The following CCDC81 variants were observed in gnomAD, a reference collection of about 807,000 sequenced individuals.
CCDC81 encodes the protein coiled-coil domain-containing protein 81.
In CCDC81, 79 loss-of-function variants were observed where a neutral mutation model predicts 83.7. That is an observed-to-expected ratio of 0.94 (90% confidence interval 0.79 to 1.14). The LOEUF (loss-of-function observed/expected upper bound fraction) is 1.14. Among genes scored for constraint, CCDC81 ranks in the 50% most tolerant of loss-of-function variants. The pLI is 0.00. For synonymous variants in CCDC81, 252 were observed against 278.1 expected (o/e 0.91, Z 0.93); for missense variants, 791 against 778.1 (o/e 1.02, Z -0.20).
At position 86,397,683 on chromosome 11, in the gene CCDC81, A is replaced by C. The variant is rs1319471337; in HGVS notation, c.698A>C (p.Glu233Ala). 6.2e-7 allele frequency: 1 copy of C among 1,613,848 alleles called. No individual in the cohort carries two copies. The highest frequency in any genetic ancestry group is 8.5e-7 in the Non-Finnish European group (1 of 1,179,928). ...GAGACCCTTGTAGAAGAATGTGGAG[A>C]GAATAGAGAAAGGAAGTGCAAGTTA... ...PMETLVEECG[E>A]NRERKCKLKD... The change falls in exon 6 of 15, where the codon GAG (glutamate) becomes GCG (alanine). Residue 233 changes from glutamate (E) to alanine (A), a missense_variant. Transcript: ENST00000445632.
intron 13 of CCDC81, among the ~76,000 whole-genome samples, chr11:86,415,849 C>T (rs1269460076): frequency 6.6e-6 from 1 of 152,018 alleles, no homozygotes; most frequent in Non-Finnish European, 1.5e-5. Context: ...AATTTTTAAA[C>T]TTTTTGGGGA....
chr11:86,385,642 T>C (rs1396255937), intron 1 of CCDC81, among the ~76,000 whole-genome samples: 5 of 152,184 alleles, frequency 3.3e-5, no homozygotes, highest in Non-Finnish European at 7.3e-5. Flanking sequence ...TCCTGTGTTG[T>C]GGAATGGTGT....
intron 13 of CCDC81, among the ~76,000 whole-genome samples, chr11:86,418,595 T>C (rs1397215119): frequency 6.6e-6 from 1 of 152,230 alleles, no homozygotes; most frequent in Non-Finnish European, 1.5e-5. Flanking sequence ...AAGGTCATTA[T>C]GTTAAGTGAA....
chr11:86,377,968 C>CTTTTTTTTTTTTTTTTGTTT (rs1948120799), intron 1 of CCDC81, among the ~76,000 whole-genome samples: 1 of 73,350 alleles, frequency 1.4e-5, no homozygotes, highest in Non-Finnish European at 2.4e-5. Flanking sequence ...TGCCTAGGTT[C>CTTTTTTTTTTTTTTTTGTTT]TTTTTTTTTT....
intron 3 of CCDC81, among the ~76,000 whole-genome samples, chr11:86,389,176 T>C (rs1387449196): frequency 2.6e-5 from 4 of 151,940 alleles, no homozygotes; most frequent in Non-Finnish European, 4.4e-5. Flanking sequence ...ACACCACCAG[T>C]CCCAACTACT....
chr11:86,394,659 T>C (rs1948378865), intron 4 of CCDC81, among the ~76,000 whole-genome samples: 1 of 152,228 alleles, frequency 6.6e-6, no homozygotes, highest in Admixed American at 6.5e-5. Flanking sequence ...TTTCTATACT[T>C]CTTTTTGGGA....
chr11:86,390,711 A>C (rs147170466), intron 3 of CCDC81, among the ~76,000 whole-genome samples: 1 of 152,238 alleles, frequency 6.6e-6, no homozygotes, highest in African/African-American at 2.4e-5. Context: ...AAGAGGAAGG[A>C]AGGCGTTTAG....
Position 86,387,508 on chromosome 11 carries a change from C to A in CCDC81, c.142-8C>A, listed in dbSNP as rs766452352. On this transcript the variant is annotated splice_region_variant and splice_polypyrimidine_tract_variant and intron_variant, in intron 2 of 14. Transcript: ENST00000445632. ...TGAATTCTGTTTTGTTTTGTTTTTT[C>A]CTTTCAGGGGGTTCAGATTCCAGCA... 1 of 1,609,990 alleles carries A rather than the reference C, an allele frequency of 6.2e-7. No homozygotes were observed. Among genetic ancestry groups the A allele is most frequent in the Admixed American group, 1.7e-5 (1 of 59,268 alleles).
At chr11:86,382,971 A>C (rs1948194373) in intron 1 of CCDC81, among the ~76,000 whole-genome samples, 1 of 152,240 alleles carries the variant, frequency 6.6e-6, no homozygotes, top group East Asian at 1.9e-4. Context: ...GTGAAAGTCA[A>C]ACTACTATTT....
rs1948078535 is a variant in CCDC81, at chr11:86,374,917, C to G, written c.-247C>G. ...GTGCCGGACATCAGTTCCTGCGGCT[C>G]TTGCTGTGGGAGCTGCCCGAGAGCC... On this transcript the variant is annotated 5_prime_UTR_variant, in exon 1 of 15. Coordinates refer to ENST00000445632, the MANE Select transcript of CCDC81 (RefSeq NM_001156474.2). The G allele has an allele frequency of 4.2e-6, 2 of 472,604 alleles. No individual in the cohort carries two copies. Among genetic ancestry groups the G allele is most frequent in the Non-Finnish European group, 7.8e-6 (2 of 255,450 alleles). 29.3% of individuals were successfully genotyped at this position (472,604 alleles called of 1,614,324 possible).
At chr11:86,404,011 G>A (rs903019946) in intron 7 of CCDC81, among the ~76,000 whole-genome samples, 1 of 152,046 alleles carries the variant, frequency 6.6e-6, no homozygotes, top group African/African-American at 2.4e-5. Context: ...AATTTGGCTG[G>A]TGCTGAAGGG....
chr11:86,387,615 A>G lies in CCDC81; in HGVS notation c.241A>G (p.Met81Val), dbSNP rs773387703. The G allele has an allele frequency of 3.7e-6, 6 of 1,611,930 alleles. No homozygotes were observed. In the East Asian group the frequency reaches 8.9e-5, roughly 24 times the overall value. Reference protein sequence around the residue: ...FILIQRPVFIMVEKLVQIHGL... With the variant: ...FILIQRPVFIVVEKLVQIHGL... ...CTTAATCCAGAGGCCTGTGTTTATC[A>G]TGGTGGAGAAGCTAGTGCAGATTCA... Residue 81 changes from methionine to valine, a missense_variant, in exon 3 of 15, where the codon ATG becomes GTG. Coordinates refer to ENST00000445632, the MANE Select transcript of CCDC81 (RefSeq NM_001156474.2).
In CCDC81 at chr11:86,408,197, G is replaced by A; in HGVS notation, c.1040G>A (p.Arg347Lys). 1 of 1,614,070 alleles carries A rather than the reference G, an allele frequency of 6.2e-7. No individual in the cohort carries two copies. Among genetic ancestry groups the A allele is most frequent in the Non-Finnish European group, 8.5e-7 (1 of 1,179,960 alleles). The change falls in exon 9 of 15, where the codon AGA becomes AAA. Residue 347 changes from arginine to lysine, a missense_variant. By Grantham distance (26) the Arg-to-Lys change is conservative (BLOSUM62 2). Coordinates refer to ENST00000445632, the MANE Select transcript of CCDC81 (RefSeq NM_001156474.2). ...TTGTACTACAGTGAGGAAAGGAGGA[G>A]AGAGATAGAAGATGAGAGACTCATA... ...SLLYYSEERR[R>K]EIEDERLIQQ...
intron 4 of CCDC81, among the ~76,000 whole-genome samples, chr11:86,394,640 T>C (rs560797595): frequency 6.6e-6 from 1 of 152,354 alleles, no homozygotes; most frequent in South Asian, 2.1e-4. Flanking sequence ...CTGCTTTTAT[T>C]AGAAATATTT....
At chr11:86,415,924 T>C (rs1383407323) in intron 13 of CCDC81, among the ~76,000 whole-genome samples, 1 of 152,108 alleles carries the variant, frequency 6.6e-6, no homozygotes, top group African/African-American at 2.4e-5. Flanking sequence ...TCCTCCTGCC[T>C]CAGCTTCCCA....
chr11:86,421,077 A>G (rs76839700), intron 14 of CCDC81, among the ~76,000 whole-genome samples: 237 of 152,312 alleles, frequency 1.6e-3, no homozygotes, highest in African/African-American at 5.5e-3. Context: ...TACTCCTGGT[A>G]TATCGTGGAG....
At chr11:86,417,577 A>G (rs1244846567) in intron 13 of CCDC81, among the ~76,000 whole-genome samples, 1 of 152,044 alleles carries the variant, frequency 6.6e-6, no homozygotes, top group African/African-American at 2.4e-5. Flanking sequence ...TCTATAATAT[A>G]GATGTATAAT....
At chr11:86,404,942 G>C (rs1307649568) in intron 7 of CCDC81, among the ~76,000 whole-genome samples, 1 of 152,090 alleles carries the variant, frequency 6.6e-6, no homozygotes, top group Non-Finnish European at 1.5e-5. Context: ...TTTGTAATTT[G>C]CTGAACCTTC....
At chr11:86,401,040 A>T (rs1357361007) in intron 7 of CCDC81, among the ~76,000 whole-genome samples, 1 of 152,204 alleles carries the variant, frequency 6.6e-6, no homozygotes, top group Non-Finnish European at 1.5e-5. Flanking sequence ...ACACAGGCGG[A>T]AACAAAATAG....
Sources: gnomAD v4.1 joint callset for allele counts (sites outside exome capture counted in the v4.1 genomes callset) on GRCh38, gnomAD v4.1.1 for gene constraint, MANE v1.5 for transcripts, NCBI Gene and HGNC (gene_info 2026-07-23, HGNC 2026-07-21) for gene names.